The following JHY variants were observed in gnomAD, a reference collection of about 807,000 sequenced individuals.
JHY encodes jhy protein homolog.
A neutral mutation model predicts 78.0 loss-of-function variants in JHY; 69 were observed. The ratio of observed to expected loss-of-function variants is 0.88; its 90% confidence interval spans 0.73 to 1.08. JHY has a LOEUF of 1.08. Among genes scored for constraint, JHY ranks in the 50% least tolerant of loss-of-function variants. The pLI, the probability that JHY is intolerant of heterozygous loss-of-function variation, is 0.00. For synonymous variants in JHY, 368 were observed against 342.6 expected, an observed-to-expected ratio of 1.07 and a Z score of -0.82; for missense variants, 944 against 927.8, an observed-to-expected ratio of 1.02 and a Z score of -0.23.
At chr11:122,948,805 G>A (rs1864022320) in intron 6 of JHY, among the ~76,000 whole-genome samples, 5 of 151,692 alleles carry the variant, frequency 3.3e-5, no homozygotes, top group African/African-American at 1.2e-4. Context: ...GCAAGAGCAG[G>A]CTGGGCGCGG....
At chr11:122,940,025 C>A (rs1428120010) in intron 5 of JHY, among the ~76,000 whole-genome samples, 1 of 148,298 alleles carries the variant, frequency 6.7e-6, no homozygotes, top group Admixed American at 6.7e-5. Flanking sequence ...TACTTTTTGT[C>A]CCTTTAATTA....
chr11:122,903,543 A>G (rs572438199), intron 2 of JHY, among the ~76,000 whole-genome samples: 1 of 152,092 alleles, frequency 6.6e-6, no homozygotes, highest in African/African-American at 2.4e-5. Flanking sequence ...CAGTGTCGTG[A>G]TTATAGCTCA....
At chr11:122,956,087 C>G (rs1591402336) in intron 6 of JHY, among the ~76,000 whole-genome samples, 2 of 151,770 alleles carry the variant, frequency 1.3e-5, no homozygotes, top group Non-Finnish European at 2.9e-5. Context: ...GGGAGGATCA[C>G]TTAAGCTCAG....
At chr11:122,896,198 C>T (rs1232606885) in intron 2 of JHY, among the ~76,000 whole-genome samples, 1 of 152,018 alleles carries the variant, frequency 6.6e-6, no homozygotes, top group Non-Finnish European at 1.5e-5. Context: ...CCACTTAAAA[C>T]ATCAATCTTT....
intron 3 of JHY, among the ~76,000 whole-genome samples, chr11:122,908,850 C>T (rs888198461): frequency 1.3e-5 from 2 of 152,128 alleles, no homozygotes; most frequent in African/African-American, 4.8e-5. Flanking sequence ...AGGCACCCGC[C>T]ACCACACCTG....
At chr11:122,912,938 C>G (rs1316646260) in intron 3 of JHY, among the ~76,000 whole-genome samples, 2 of 152,036 alleles carry the variant, frequency 1.3e-5, no homozygotes, top group Non-Finnish European at 2.9e-5. Context: ...GCTATCGTTA[C>G]CACTAGGCAC....
At chr11:122,920,819 C>T (rs1006226439) in intron 3 of JHY, among the ~76,000 whole-genome samples, 2 of 152,164 alleles carry the variant, frequency 1.3e-5, no homozygotes, top group Non-Finnish European at 2.9e-5. Flanking sequence ...AAATGCAATT[C>T]GAGAACCACA....
At chr11:122,912,903 C>G (rs1014668441) in intron 3 of JHY, among the ~76,000 whole-genome samples, 1 of 152,018 alleles carries the variant, frequency 6.6e-6, no homozygotes, top group Non-Finnish European at 1.5e-5. Context: ...GCTACGGACT[C>G]GGGGCAGACA....
chr11:122,898,434 C>T lies in JHY; in HGVS notation c.345-5491C>T, dbSNP rs1862781475. On this transcript the variant is annotated intron_variant, in intron 2 of 8. Coordinates refer to ENST00000227349, the MANE Select transcript of JHY (RefSeq NM_024806.4). The surrounding 1 kb of genome is among the most constrained non-coding windows in gnomAD (Gnocchi z 4.4). The stretch of plus-strand genomic sequence containing the variant: ...CATAAGCCCTCTAAGCCTCAGTTTC[C>T]TCGTCTGTTAAATGGGGGTAATAAT... 6.6e-6 allele frequency among the ~76,000 whole-genome samples: 1 copy of T among 152,182 alleles called. No homozygotes were observed. Among genetic ancestry groups the T allele is most frequent in the Non-Finnish European group, 1.5e-5 (1 of 68,040 alleles).
intron 3 of JHY, among the ~76,000 whole-genome samples, chr11:122,909,358 G>A (rs1245599442): frequency 2.6e-5 from 4 of 152,150 alleles, no homozygotes; most frequent in Admixed American, 6.5e-5. Flanking sequence ...CAAGAGTATG[G>A]ACTCTGGAGC....
At chr11:122,892,100 G>A (rs928661363) in intron 2 of JHY, among the ~76,000 whole-genome samples, 6 of 152,076 alleles carry the variant, frequency 3.9e-5, no homozygotes, top group African/African-American at 1.4e-4. Context: ...TTATTCTTCA[G>A]CACTTGTCCT....
chr11:122,910,974 A>G (rs769871067), intron 3 of JHY, among the ~76,000 whole-genome samples: 1 of 152,240 alleles, frequency 6.6e-6, no homozygotes, highest in African/African-American at 2.4e-5. Flanking sequence ...AACACACACT[A>G]GAGGGCACCT....
chr11:122,918,394 G>T (rs1339563382), intron 3 of JHY, among the ~76,000 whole-genome samples: 1 of 151,270 alleles, frequency 6.6e-6, no homozygotes, highest in East Asian at 1.9e-4. Flanking sequence ...AAATAATAAG[G>T]CTGGCAGAAC....
rs67096121 is a variant in JHY at position 122,963,044 on chromosome 11, G to GTT, written c.*3604_*3605dup. ...AATATGCATTACTATGTACCTAATAGTTTTTTAGCATGTACAATCTGCCAA... is the reference window on the plus strand; with the variant it reads ...AATATGCATTACTATGTACCTAATAGTTTTTTTTAGCATGTACAATCTGCCAA... On this transcript the variant is annotated 3_prime_UTR_variant, in exon 9 of 9. Transcript: ENST00000227349. Among the ~76,000 whole-genome samples the GTT allele has an allele frequency of 2.0e-5, 3 of 151,882 alleles. No homozygotes were observed. The highest frequency in any genetic ancestry group is 4.4e-5 in the Non-Finnish European group (3 of 67,946).
chr11:122,954,927 G>A (rs1460018011), intron 6 of JHY, among the ~76,000 whole-genome samples: 1 of 152,188 alleles, frequency 6.6e-6, no homozygotes. Flanking sequence ...CTTCTTCAAT[G>A]TGGCTGATTT....
At chr11:122,932,081 G>A (rs1209164793) in intron 4 of JHY, among the ~76,000 whole-genome samples, 1 of 152,214 alleles carries the variant, frequency 6.6e-6, no homozygotes, top group Non-Finnish European at 1.5e-5. Flanking sequence ...GAGGATTTCA[G>A]TGCTGATGGA....
chr11:122,956,409 T>C (rs1864190057), intron 6 of JHY, 87 bp from the exon 7 acceptor site: 1 of 1,083,736 alleles, frequency 9.2e-7, no homozygotes, highest in Admixed American at 2.3e-5. Context: ...TTTCTTACTT[T>C]ATGTGGCTAT....
chr11:122,932,917 A>G (rs1863667099), intron 4 of JHY, among the ~76,000 whole-genome samples: 1 of 152,182 alleles, frequency 6.6e-6, no homozygotes. Flanking sequence ...ATTTAAAGTA[A>G]GTAGGAGCTA....
chr11:122,887,601 G>A (rs543406520), intron 2 of JHY, among the ~76,000 whole-genome samples: 30 of 151,984 alleles, frequency 2.0e-4, no homozygotes, highest in Non-Finnish European at 3.7e-4. Flanking sequence ...GATTACAGGC[G>A]TGAGCCACTG....
Sources: gnomAD v4.1 joint callset for allele counts (sites outside exome capture counted in the v4.1 genomes callset) on GRCh38, gnomAD v4.1.1 for gene constraint, Gnocchi (gnomAD v3.1) non-coding constraint, MANE v1.5 for transcripts, NCBI Gene and HGNC (gene_info 2026-07-23, HGNC 2026-07-21) for gene names.